FGF13: variants seen among roughly 807,000 people sequenced by gnomAD.
The protein encoded by FGF13 is fibroblast growth factor 13.
Under a neutral mutation model 19.5 loss-of-function variants are expected in FGF13, and 2 were observed. That is an observed-to-expected ratio of 0.10 (90% confidence interval 0.04 to 0.32). The LOEUF is 0.32. Ranked by LOEUF, FGF13 falls within the 10% of genes least tolerant of loss-of-function variation. FGF13 has a pLI of 1.00. For synonymous variants in FGF13, 72 were observed against 76.9 expected (o/e 0.94, Z 0.33); for missense variants, 113 against 192.7 (o/e 0.59, Z 2.45).
chrX:138,922,588 C>CTTG (rs2091652544), intron 1 of FGF13, among the ~76,000 whole-genome samples: 1 of 111,942 alleles, frequency 8.9e-6, no homozygotes, highest in Non-Finnish European at 1.9e-5. Flanking sequence ...ATCATCTTCC[C>CTTG]AAACTAGAGT....
At chrX:138,831,276 A>G (rs1235744621) in intron 3 of FGF13, among the ~76,000 whole-genome samples, 1 of 111,656 alleles carries the variant, frequency 9.0e-6, no homozygotes, top group Non-Finnish European at 1.9e-5. Flanking sequence ...AGAGACTACT[A>G]GGGCAATGAC....
chrX:138,727,451 T>G (rs997783350), intron 1 of FGF13, among the ~76,000 whole-genome samples: 2 of 111,312 alleles, frequency 1.8e-5, no homozygotes, highest in African/African-American at 6.5e-5. Flanking sequence ...AATTCAAATT[T>G]GTTCAACCTT....
intron 1 of FGF13, among the ~76,000 whole-genome samples, chrX:139,183,128 G>A (rs1355170998): frequency 8.9e-6 from 1 of 111,987 alleles, no homozygotes; most frequent in African/African-American, 3.2e-5. Context: ...TCCTGGCATG[G>A]ATTCACTCCC....
At chrX:139,132,787 A>G (rs181052065) in intron 1 of FGF13, among the ~76,000 whole-genome samples, 2 of 112,455 alleles carry the variant, frequency 1.8e-5, no homozygotes, top group African/African-American at 3.2e-5. Flanking sequence ...GACTAAACAA[A>G]CTATTTTAAT....
At chrX:139,190,381 GA>G (rs34311876) in intron 1 of FGF13, among the ~76,000 whole-genome samples, 3 of 105,478 alleles carry the variant, frequency 2.8e-5, no homozygotes, top group East Asian at 3.0e-4. Context: ...CTTGATAAAA[GA>G]AAAAAAAAAC....
At chrX:138,658,449 G>T (rs945199953) in intron 3 of FGF13, among the ~76,000 whole-genome samples, 9 of 112,330 alleles carry the variant, frequency 8.0e-5, no homozygotes, top group African/African-American at 2.9e-4. Context: ...ACTTTTTAAA[G>T]TAAACATTTT....
intron 3 of FGF13, among the ~76,000 whole-genome samples, chrX:138,748,855 A>G (rs1337654597): frequency 8.9e-6 from 1 of 111,970 alleles, no homozygotes; most frequent in African/African-American, 3.2e-5. Context: ...TTACCACAAT[A>G]AAAATATTTT....
At chrX:139,007,041 G>T (rs1368407080) in intron 1 of FGF13, among the ~76,000 whole-genome samples, 1 of 111,015 alleles carries the variant, frequency 9.0e-6, no homozygotes, top group African/African-American at 3.3e-5. Context: ...CCAATTAAAA[G>T]ACATAGACTG....
At chrX:138,963,437 T>A (rs1054022936) in intron 1 of FGF13, among the ~76,000 whole-genome samples, 1 of 112,711 alleles carries the variant, frequency 8.9e-6, no homozygotes, top group Non-Finnish European at 1.9e-5. Context: ...GGCTTAGGAC[T>A]TGCCTCTGAC....
chrX:139,127,849 C>T (rs1279049381), intron 1 of FGF13, among the ~76,000 whole-genome samples: 1 of 111,121 alleles, frequency 9.0e-6, no homozygotes, highest in African/African-American at 3.3e-5. Flanking sequence ...CCACCAACCC[C>T]TGGCATACCA....
chrX:139,070,043 G>T (rs1442876085), intron 1 of FGF13, among the ~76,000 whole-genome samples: 2 of 111,936 alleles, frequency 1.8e-5, no homozygotes, highest in African/African-American at 6.5e-5. Context: ...AGAAAACCTA[G>T]GCAATACCAT....
intron 3 of FGF13, among the ~76,000 whole-genome samples, chrX:138,793,275 T>C (rs1357496633): frequency 8.9e-6 from 1 of 111,998 alleles, no homozygotes; most frequent in Non-Finnish European, 1.9e-5. Context: ...ACCAGATTTG[T>C]GGTAATTTGT....
At chrX:138,972,527 T>G (rs1395529555) in intron 1 of FGF13, among the ~76,000 whole-genome samples, 3 of 109,152 alleles carry the variant, frequency 2.7e-5, no homozygotes. Flanking sequence ...CGGCTAATTT[T>G]TTCGTATTTT....
chrX:139,196,204 A>G (rs908218384), intron 1 of FGF13, among the ~76,000 whole-genome samples: 9 of 112,301 alleles, frequency 8.0e-5, no homozygotes, highest in Non-Finnish European at 1.5e-4. Flanking sequence ...TTTTTACTCA[A>G]CAGTGAATTA....
At position 139,158,851 on chromosome X, in the gene FGF13, C is replaced by A. The variant is rs1376650666; in HGVS notation, c.-113+44565G>T. Among the ~76,000 whole-genome samples the A allele has an allele frequency of 4.5e-5, 5 of 110,820 alleles. No homozygotes were observed. The East Asian group carries it at 1.4e-3, about 32-fold the overall frequency. ...GTGAAAAGACCAAACCTACATTTGA[C>A]TGGTGTACCTGAAAGTGATGGGGAG... is the stretch of plus-strand genomic sequence containing the variant. On this transcript the variant is annotated intron_variant, in intron 1 of 2. Coordinates refer to the FGF13 transcript ENST00000421460.
intron 1 of FGF13, among the ~76,000 whole-genome samples, chrX:138,998,471 A>G (rs1247599970): frequency 9.7e-6 from 1 of 103,552 alleles, no homozygotes; most frequent in East Asian, 3.1e-4. Context: ...GGCTCAAAAT[A>G]AAGGCATGGA....
At chrX:139,112,635 A>G (rs1230458948) in intron 1 of FGF13, among the ~76,000 whole-genome samples, 2 of 111,762 alleles carry the variant, frequency 1.8e-5, no homozygotes, top group Non-Finnish European at 3.8e-5. Context: ...CTTACTAGCT[A>G]CATAACCCTT....
chrX:138,826,010 C>T (rs185838267), intron 3 of FGF13, among the ~76,000 whole-genome samples: 21 of 111,490 alleles, frequency 1.9e-4, no homozygotes, highest in African/African-American at 6.5e-4. Context: ...GTCTAGACCT[C>T]CAATTATGGG....
chrX:139,194,498 G>C (rs1188133421), intron 1 of FGF13, among the ~76,000 whole-genome samples: 6 of 112,242 alleles, frequency 5.3e-5, no homozygotes, highest in African/African-American at 1.9e-4. Flanking sequence ...ATGCATCTTC[G>C]GTTTTTGAGC....
Sources: allele counts gnomAD v4.1 joint callset (sites outside exome capture counted in the v4.1 genomes callset), GRCh38; gene constraint gnomAD v4.1.1; transcripts MANE v1.5; gene names NCBI Gene and HGNC (gene_info 2026-07-23, HGNC 2026-07-21).